Variants in CTNNA2 observed in about 807,000 individuals in gnomAD.
CTNNA2 encodes the protein catenin alpha 2, also known as catenin alpha-2.
CTNNA2 carries 42 observed loss-of-function variants against 101.0 expected under a neutral mutation model. The observed-to-expected ratio is 0.42, with a 90% CI of 0.32 to 0.54. The LOEUF (loss-of-function observed/expected upper bound fraction) is 0.54, where lower values mean the gene tolerates loss of function less well. Ranked by LOEUF, CTNNA2 falls within the 20% of genes least tolerant of loss-of-function variation. CTNNA2 has a pLI of 0.14. For synonymous variants in CTNNA2, 450 were observed against 456.4 expected (o/e 0.99, Z 0.18); for missense variants, 871 against 1,223.1 (o/e 0.71, Z 4.29).
At chr2:80,493,057 A>G (rs1456239953) in intron 9 of CTNNA2, among the ~76,000 whole-genome samples, 1 of 152,214 alleles carries the variant, frequency 6.6e-6, no homozygotes, top group Admixed American at 6.5e-5. Context: ...GGATAAGTGG[A>G]TAAGTGGTCT....
intron 3 of CTNNA2, among the ~76,000 whole-genome samples, chr2:79,781,309 G>C (rs1487525999): frequency 6.6e-6 from 1 of 152,176 alleles, no homozygotes; most frequent in Non-Finnish European, 1.5e-5. Context: ...GGTTTGGTGG[G>C]TTTTAGCTGG....
intron 2 of CTNNA2, among the ~76,000 whole-genome samples, chr2:79,667,304 C>T (rs138556793): frequency 0.013 from 2,010 of 152,272 alleles, 25 homozygotes; most frequent in Middle Eastern, 0.031. Flanking sequence ...ATCATTAAAG[C>T]AAGAGCAATC....
chr2:80,060,104 C>A (rs773142465), intron 7 of CTNNA2, among the ~76,000 whole-genome samples: 3 of 152,188 alleles, frequency 2.0e-5, no homozygotes, highest in Non-Finnish European at 4.4e-5. Context: ...GCCAAGGATG[C>A]TTGGCTTCCA....
At chr2:80,096,175 A>G (rs1265806798) in intron 7 of CTNNA2, among the ~76,000 whole-genome samples, 1 of 151,986 alleles carries the variant, frequency 6.6e-6, no homozygotes, top group Admixed American at 6.6e-5. Flanking sequence ...ACTGCTTTGA[A>G]TGTGTCCCAG....
chr2:79,379,781 A>C (rs2104462014), intron 4 of CTNNA2, among the ~76,000 whole-genome samples: 1 of 152,298 alleles, frequency 6.6e-6, no homozygotes, highest in African/African-American at 2.4e-5. Context: ...GAAATATCCC[A>C]GATTCGTATT....
chr2:79,858,213 T>C, intron 4 of CTNNA2, 34 bp downstream of exon 4: 1 of 1,548,094 alleles, frequency 6.5e-7, no homozygotes, highest in Non-Finnish European at 8.9e-7. Flanking sequence ...ACTTTCTTTA[T>C]GTGAGTGGCA....
intron 7 of CTNNA2, among the ~76,000 whole-genome samples, chr2:80,147,517 C>G (rs1345706436): frequency 1.3e-5 from 2 of 152,142 alleles, no homozygotes; most frequent in African/African-American, 2.4e-5. Flanking sequence ...CACTCACCAC[C>G]CACGATGAAC....
At chr2:80,431,125 C>T (rs1681460001) in intron 9 of CTNNA2, among the ~76,000 whole-genome samples, 1 of 152,116 alleles carries the variant, frequency 6.6e-6, no homozygotes, top group Non-Finnish European at 1.5e-5. Flanking sequence ...TTCTAGCCAG[C>T]CTGAAGCCAT....
At chr2:80,521,913 A>C (rs1462076120) in intron 9 of CTNNA2, among the ~76,000 whole-genome samples, 1 of 152,224 alleles carries the variant, frequency 6.6e-6, no homozygotes, top group Admixed American at 6.5e-5. Context: ...AGAAGCAGAA[A>C]AGTCATAGGT....
chr2:80,285,678 T>G (rs537645210), intron 7 of CTNNA2, among the ~76,000 whole-genome samples: 1 of 152,284 alleles, frequency 6.6e-6, no homozygotes, highest in South Asian at 2.1e-4. Flanking sequence ...CCAGTGGGAA[T>G]GCAAATGAAT....
chr2:79,293,109 T>G (rs569692661), intron 2 of CTNNA2: 3 of 152,366 alleles, frequency 2.0e-5, no homozygotes, highest in African/African-American at 7.2e-5. Context: ...ATTCCCTCAC[T>G]AGTCAAAATC....
At chr2:79,785,841 G>A (rs1025272207) in intron 3 of CTNNA2, among the ~76,000 whole-genome samples, 1 of 152,116 alleles carries the variant, frequency 6.6e-6, no homozygotes, top group Non-Finnish European at 1.5e-5. Context: ...TCCTATGATA[G>A]GGTATTTCTA....
chr2:79,984,777 C>T (rs1449662343), intron 7 of CTNNA2, among the ~76,000 whole-genome samples: 1 of 152,138 alleles, frequency 6.6e-6, no homozygotes, highest in Non-Finnish European at 1.5e-5. Context: ...TACCTCCTTT[C>T]CCTTCACTAT....
chr2:80,597,868 G>A (rs1043377947), intron 15 of CTNNA2, among the ~76,000 whole-genome samples: 2 of 152,172 alleles, frequency 1.3e-5, no homozygotes, highest in Admixed American at 6.5e-5. Flanking sequence ...TACACTGTTG[G>A]TGGGAGTGTA....
intron 3 of CTNNA2, among the ~76,000 whole-genome samples, chr2:79,855,937 C>T (rs1183650230): frequency 6.6e-6 from 1 of 152,124 alleles, no homozygotes; most frequent in Non-Finnish European, 1.5e-5. Flanking sequence ...TTTCTTTCTC[C>T]CACCACACAG....
chr2:80,445,314 T>C (rs1415496256), intron 9 of CTNNA2, among the ~76,000 whole-genome samples: 1 of 152,040 alleles, frequency 6.6e-6, no homozygotes, highest in Non-Finnish European at 1.5e-5. Context: ...CCCGAGTGGC[T>C]GGGACTCTAG....
chr2:80,344,204 C>G (rs532629002), intron 7 of CTNNA2, among the ~76,000 whole-genome samples: 2 of 152,126 alleles, frequency 1.3e-5, no homozygotes, highest in Non-Finnish European at 2.9e-5. Flanking sequence ...CTGATTTTCT[C>G]CTCCTTCATG....
intron 1 of CTNNA2, among the ~76,000 whole-genome samples, chr2:79,527,474 CAA>C (rs58822666): frequency 2.9e-4 from 25 of 85,184 alleles, no homozygotes; most frequent in African/African-American, 6.5e-4. Context: ...ACTAAAAATA[CAA>C]AAAAAAAAAA....
At chr2:80,162,958 A>G in intron 7 of CTNNA2, 1 of 1,540,892 alleles carries the variant, frequency 6.5e-7, no homozygotes, top group Non-Finnish European at 9.0e-7. Flanking sequence ...GGATATGGCA[A>G]ACTGACATCT....
Sources: gnomAD v4.1 joint callset for allele counts (sites outside exome capture counted in the v4.1 genomes callset) on GRCh38, gnomAD v4.1.1 for gene constraint, MANE v1.5 for transcripts, NCBI Gene and HGNC (gene_info 2026-07-23, HGNC 2026-07-21) for gene names.